Variants in TAOK1 observed in about 807,000 individuals in gnomAD.
TAOK1 encodes the protein TAO kinase 1.
In TAOK1, 21 loss-of-function variants were observed where a neutral mutation model predicts 138.3. That is an observed-to-expected ratio of 0.15 (90% CI 0.11 to 0.22). The LOEUF is 0.22. Ranked by LOEUF, TAOK1 falls within the 10% of genes least tolerant of loss-of-function variation. The pLI is 1.00. For synonymous variants in TAOK1, 361 were observed against 398.4 expected (o/e 0.91, Z 1.12); for missense variants, 651 against 1,227.7 (o/e 0.53, Z 7.02).
At chr17:29,428,941 A>G (rs1253881731) in intron 1 of TAOK1, among the ~76,000 whole-genome samples, 1 of 152,000 alleles carries the variant, frequency 6.6e-6, no homozygotes, top group African/African-American at 2.4e-5. Context: ...CCCAGTTATG[A>G]GAATTAAATA....
At chr17:29,428,173 G>C (rs115962232) in intron 1 of TAOK1, among the ~76,000 whole-genome samples, 57 of 152,236 alleles carry the variant, frequency 3.7e-4, no homozygotes, top group African/African-American at 1.3e-3. Context: ...GGAATACCTA[G>C]GCAGAGGAGA....
At chr17:29,442,873 A>T (rs977975482) in intron 1 of TAOK1, among the ~76,000 whole-genome samples, 10 of 152,166 alleles carry the variant, frequency 6.6e-5, no homozygotes, top group African/African-American at 1.7e-4. Flanking sequence ...CCTGGCCAAC[A>T]TGGTGAAACC....
At chr17:29,397,091 T>C (rs1303359996) in intron 1 of TAOK1, among the ~76,000 whole-genome samples, 1 of 145,460 alleles carries the variant, frequency 6.9e-6, no homozygotes, top group South Asian at 2.2e-4. Flanking sequence ...GGTCAGGAGT[T>C]GCAGACGAGC....
chr17:29,411,351 A>T (rs925748558), intron 1 of TAOK1, among the ~76,000 whole-genome samples: 1 of 151,548 alleles, frequency 6.6e-6, no homozygotes, highest in Non-Finnish European at 1.5e-5. Context: ...TCGGCCTCCC[A>T]AAGTGCTGGG....
chr17:29,427,075 G>T (rs544064536), intron 1 of TAOK1, among the ~76,000 whole-genome samples: 87 of 152,306 alleles, frequency 5.7e-4, no homozygotes, highest in African/African-American at 2.0e-3. Flanking sequence ...ATTCGGAAGG[G>T]TGGGTAGGAT....
At chr17:29,460,766 T>G (rs2030512630) in intron 2 of TAOK1, among the ~76,000 whole-genome samples, 1 of 152,206 alleles carries the variant, frequency 6.6e-6, no homozygotes, top group Admixed American at 6.5e-5. Flanking sequence ...GCAGAGAGAC[T>G]GATTAGGATG....
Position 29,506,927 on chromosome 17 carries a change from A to G in TAOK1, c.1339-969A>G, listed in dbSNP as rs115547504. 5.5e-3 allele frequency among the ~76,000 whole-genome samples: 836 copies of G among 152,332 alleles called. 10 individuals are homozygous for G. Among genetic ancestry groups the G allele is most frequent in the African/African-American group, 0.019 (773 of 41,570 alleles). Reference sequence around the variant, plus strand: ...GAATTTTATTCAGCTATAAAAGGAAATGAAATACTGATACATACTACAACA... The same window carrying G: ...GAATTTTATTCAGCTATAAAAGGAAGTGAAATACTGATACATACTACAACA... On this transcript the variant is annotated intron_variant, in intron 13 of 19. Transcript: ENST00000261716.
rs58117433 is a variant in TAOK1, at chr17:29,394,150, G to GTTTTTTTTTTTT, written c.-95+3148_-95+3159dup. Among the ~76,000 whole-genome samples, 79 of 48,278 alleles carry GTTTTTTTTTTTT rather than the reference G, an allele frequency of 1.6e-3. 13 individuals carry two copies. Among genetic ancestry groups the GTTTTTTTTTTTT allele is most frequent in the Non-Finnish European group, 2.0e-3 (55 of 27,592 alleles). 31.7% of individuals were successfully genotyped at this position (48,278 alleles called of 152,430 possible). On this transcript the variant is annotated intron_variant, in intron 1 of 19. Transcript: ENST00000261716. Reference sequence around the variant, plus strand: ...TATGATTTATTTTAATAATTTGCCAGTTTTTTTTTTTTTTTTTTTTTTTTT... The same window carrying GTTTTTTTTTTTT: ...TATGATTTATTTTAATAATTTGCCAGTTTTTTTTTTTTTTTTTTTTTTTTTTTTTTTTTTTTT...
Position 29,446,071 on chromosome 17 carries a change from T to G in TAOK1, c.-94-5384T>G, listed in dbSNP as rs1366232881. 2.6e-5 allele frequency among the ~76,000 whole-genome samples: 4 copies of G among 152,136 alleles called. No individual in the cohort carries two copies. In the South Asian group the frequency reaches 6.2e-4, roughly 24 times the overall value. On this transcript the variant is annotated intron_variant, in intron 1 of 19. Transcript: ENST00000261716. ...TGAGCTTACAGCTGTTCATTGTATT[T>G]CCTCATCTTTTTAATGTGTGTAGGG... is the stretch of plus-strand genomic sequence containing the variant.
At chr17:29,506,520 A>G (rs2031632067) in intron 13 of TAOK1, among the ~76,000 whole-genome samples, 1 of 152,196 alleles carries the variant, frequency 6.6e-6, no homozygotes, top group Non-Finnish European at 1.5e-5. Context: ...TTTCAGAAAG[A>G]TAGGAGGAAT....
At chr17:29,441,629 C>T (rs991661731) in intron 1 of TAOK1, among the ~76,000 whole-genome samples, 3 of 152,230 alleles carry the variant, frequency 2.0e-5, no homozygotes, top group Admixed American at 6.5e-5. Flanking sequence ...TGGCCAGACA[C>T]GGTGGCTCAC....
intron 8 of TAOK1, among the ~76,000 whole-genome samples, chr17:29,486,810 C>T (rs887472084): frequency 7.2e-5 from 11 of 151,864 alleles, no homozygotes; most frequent in African/African-American, 1.2e-4. Context: ...TGACGGTATA[C>T]CATTTAAAAG....
chr17:29,449,510 C>G (rs964491674), intron 1 of TAOK1, among the ~76,000 whole-genome samples: 2 of 152,072 alleles, frequency 1.3e-5, no homozygotes, highest in African/African-American at 4.8e-5. Flanking sequence ...TGTTACTTGA[C>G]AAGAATTGGA....
chr17:29,522,423 T>C lies in TAOK1; in HGVS notation c.2052T>C (p.Thr684=), dbSNP rs753399165. The change falls in exon 17 of 20, where the codon ACT becomes ACC. Residue 684 remains threonine (T), a synonymous_variant. Coordinates refer to ENST00000261716, the MANE Select transcript of TAOK1 (RefSeq NM_020791.4). ...AGTTGATCAGATTACAGCATCAAACTGAGCTCACTAACCAGCTGGAATATA... is the reference window on the plus strand; with the variant it reads ...AGTTGATCAGATTACAGCATCAAACCGAGCTCACTAACCAGCTGGAATATA... ...RCELIRLQHQ[T]ELTNQLEYNK... 1.9e-5 allele frequency: 31 copies of C among 1,614,034 alleles called. No individual in the cohort carries two copies. In the East Asian group the frequency reaches 4.5e-4, roughly 23 times the overall value.
intron 13 of TAOK1, among the ~76,000 whole-genome samples, chr17:29,504,960 C>T (rs2031605302): frequency 1.3e-5 from 2 of 152,126 alleles, no homozygotes; most frequent in Admixed American, 6.6e-5. Flanking sequence ...CAAAGGAAAA[C>T]CTCTTGGTAA....
chr17:29,497,727 AAAAG>A (rs1399917645), intron 11 of TAOK1, among the ~76,000 whole-genome samples: 109 of 151,714 alleles, frequency 7.2e-4, no homozygotes, highest in African/African-American at 2.5e-3. Flanking sequence ...AAAAAAAAAA[AAAAG>A]AAAGACAAGA....
intron 1 of TAOK1, among the ~76,000 whole-genome samples, chr17:29,391,630 A>G (rs1904433712): frequency 6.6e-6 from 1 of 152,192 alleles, no homozygotes; most frequent in African/African-American, 2.4e-5. Context: ...GCTTCCCTTG[A>G]AAAGGTTACT....
rs1468149534 is a variant in TAOK1, at chr17:29,530,620, G to C, written c.2361+1G>C. ...TAATGAAATGCTCTCCACACAAGCC[G>C]TGAGTTTGCTTTTTTTGGGGCAAAA... is the stretch of plus-strand genomic sequence containing the variant. On this transcript the variant is annotated splice_donor_variant, in intron 18 of 19. Transcript: ENST00000261716. LOFTEE classifies it high-confidence loss of function. 2 of 1,613,592 alleles carry C rather than the reference G, an allele frequency of 1.2e-6. No homozygotes were observed. The highest frequency in any genetic ancestry group is 1.1e-5 in the South Asian group (1 of 90,946).
chr17:29,506,952 A>G (rs566284684), intron 13 of TAOK1, among the ~76,000 whole-genome samples: 42 of 152,346 alleles, frequency 2.8e-4, no homozygotes, highest in Middle Eastern at 3.4e-3. Context: ...ATACTACAAC[A>G]TGGATAAACT....
Sources: gnomAD v4.1 joint callset for allele counts (sites outside exome capture counted in the v4.1 genomes callset) on GRCh38, gnomAD v4.1.1 for gene constraint, MANE v1.5 for transcripts, NCBI Gene and HGNC (gene_info 2026-07-23, HGNC 2026-07-21) for gene names.